Variants in PLD1 observed in about 807,000 individuals in gnomAD.
PLD1 encodes the protein phospholipase D1.
PLD1 carries 112 observed loss-of-function variants against 137.1 expected under a neutral mutation model. The observed-to-expected ratio is 0.82, with a 90% confidence interval of 0.70 to 0.96. PLD1 has a LOEUF of 0.96. PLD1 is among the 40% of genes least tolerant of loss of function. The pLI is 0.00. For synonymous variants in PLD1, 431 were observed against 454.7 expected (o/e 0.95, Z 0.66); for missense variants, 1,321 against 1,342.0 (o/e 0.98, Z 0.24).
At chr3:171,730,280 G>A (rs6445023) in intron 6 of PLD1, among the ~76,000 whole-genome samples, 54,830 of 151,582 alleles carry the variant, frequency 0.36, 11,003 homozygotes, top group African/African-American at 0.52. Flanking sequence ...TTATGCTTAG[G>A]GTAAAGAGGA....
intron 1 of PLD1, among the ~76,000 whole-genome samples, chr3:171,761,112 T>C (rs975812012): frequency 1.3e-5 from 2 of 152,242 alleles, no homozygotes; most frequent in South Asian, 4.1e-4. Context: ...GGCTGGCAGT[T>C]GCCTGGACTA....
At chr3:171,631,698 T>G (rs1454086485) in intron 23 of PLD1, among the ~76,000 whole-genome samples, 1 of 152,102 alleles carries the variant, frequency 6.6e-6, no homozygotes, top group African/African-American at 2.4e-5. Context: ...AAGGCCCTCA[T>G]TGGCCAAATC....
At chr3:171,697,983 C>T (rs1715906247) in intron 12 of PLD1, among the ~76,000 whole-genome samples, 1 of 152,092 alleles carries the variant, frequency 6.6e-6, no homozygotes, top group African/African-American at 2.4e-5. Flanking sequence ...CAGTGAGGTG[C>T]TGATTAAATA....
intron 23 of PLD1, among the ~76,000 whole-genome samples, chr3:171,636,994 T>C (rs1196653611): frequency 6.6e-6 from 1 of 152,198 alleles, no homozygotes; most frequent in African/African-American, 2.4e-5. Flanking sequence ...GTTTGGGATT[T>C]TGCCAAATAA....
chr3:171,657,083 T>C (rs908303639), intron 21 of PLD1, among the ~76,000 whole-genome samples: 1 of 152,218 alleles, frequency 6.6e-6, no homozygotes, highest in Non-Finnish European at 1.5e-5. Flanking sequence ...AAGCTGTTTT[T>C]TGCCTATTGT....
intron 22 of PLD1, among the ~76,000 whole-genome samples, chr3:171,643,334 C>A (rs1578173647): frequency 6.6e-6 from 1 of 152,082 alleles, no homozygotes; most frequent in African/African-American, 2.4e-5. Flanking sequence ...TCTTTAAATT[C>A]AGCAAAACCA....
chr3:171,631,614 T>C (rs1236519235), intron 23 of PLD1, among the ~76,000 whole-genome samples: 1 of 152,158 alleles, frequency 6.6e-6, no homozygotes, highest in Admixed American at 6.6e-5. Context: ...TATATGAGTC[T>C]GGGACACCTT....
chr3:171,752,800 A>G (rs1720752777), intron 1 of PLD1, among the ~76,000 whole-genome samples: 1 of 152,212 alleles, frequency 6.6e-6, no homozygotes, highest in African/African-American at 2.4e-5. Flanking sequence ...TCAATTCAAA[A>G]CCTGTATGGT....
chr3:171,646,780 T>C (rs932078476), intron 21 of PLD1, among the ~76,000 whole-genome samples: 21 of 152,064 alleles, frequency 1.4e-4, no homozygotes, highest in African/African-American at 4.8e-4. Context: ...ATGGATGTCA[T>C]TTGGCCTCAA....
intron 21 of PLD1, among the ~76,000 whole-genome samples, chr3:171,654,667 C>G (rs73038101): frequency 0.029 from 4,426 of 152,186 alleles, 159 homozygotes; most frequent in African/African-American, 0.084. Context: ...AAATTTTAGA[C>G]TGTGGATTAT....
At chr3:171,808,020 C>T (rs1037329920) in intron 1 of PLD1, among the ~76,000 whole-genome samples, 4 of 152,092 alleles carry the variant, frequency 2.6e-5, no homozygotes, top group Non-Finnish European at 5.9e-5. Context: ...GGAAGGTAAA[C>T]ATTGGGTACT....
At chr3:171,698,686 G>A (rs1715971322) in intron 12 of PLD1, among the ~76,000 whole-genome samples, 1 of 152,124 alleles carries the variant, frequency 6.6e-6, no homozygotes, top group Admixed American at 6.5e-5. Flanking sequence ...GGCCGGGAGC[G>A]GTGGCTCAAG....
intron 1 of PLD1, among the ~76,000 whole-genome samples, chr3:171,799,455 C>T (rs1723563045): frequency 6.6e-6 from 1 of 150,752 alleles, no homozygotes; most frequent in Non-Finnish European, 1.5e-5. Flanking sequence ...TGAAACAAGG[C>T]CACCTAAGTG....
chr3:171,609,840 C>A (rs1732516398), intron 25 of PLD1, among the ~76,000 whole-genome samples: 1 of 152,116 alleles, frequency 6.6e-6, no homozygotes, highest in African/African-American at 2.4e-5. Flanking sequence ...AAAGCCCAGA[C>A]TTCACCCCTA....
At chr3:171,635,327 TTGCAGAAA>T (rs1336804145) in intron 23 of PLD1, among the ~76,000 whole-genome samples, 2 of 152,184 alleles carry the variant, frequency 1.3e-5, no homozygotes, top group East Asian at 1.9e-4. Context: ...TATTTAACTT[TTGCAGAAA>T]TGCCAAACTG....
At chr3:171,659,882 C>T (rs771142816) in intron 20 of PLD1, among the ~76,000 whole-genome samples, 13 of 152,086 alleles carry the variant, frequency 8.5e-5, no homozygotes, top group Non-Finnish European at 1.9e-4. Context: ...TATATATAAG[C>T]CAGTTAATAA....
intron 1 of PLD1, among the ~76,000 whole-genome samples, chr3:171,801,221 ACT>A (rs1723631964): frequency 1.3e-5 from 2 of 152,048 alleles, no homozygotes; most frequent in Admixed American, 6.6e-5. Flanking sequence ...CACCAAAAAG[ACT>A]CTGTGCTTGA....
chr3:171,761,814 C>T (rs947200929), intron 1 of PLD1, among the ~76,000 whole-genome samples: 1 of 152,170 alleles, frequency 6.6e-6, no homozygotes, highest in Non-Finnish European at 1.5e-5. Flanking sequence ...ACAACAAACC[C>T]TTGGTAAGAT....
chr3:171,755,863 T>C (rs1454525185), intron 1 of PLD1, among the ~76,000 whole-genome samples: 1 of 152,198 alleles, frequency 6.6e-6, no homozygotes, highest in Non-Finnish European at 1.5e-5. Context: ...GGTGATCCCA[T>C]AGAGCATCTC....
Sources: allele counts gnomAD v4.1 joint callset (sites outside exome capture counted in the v4.1 genomes callset), GRCh38; gene constraint gnomAD v4.1.1; transcripts MANE v1.5; gene names NCBI Gene and HGNC (gene_info 2026-07-23, HGNC 2026-07-21).